DIXDC1: variants seen among roughly 807,000 people sequenced by gnomAD.
The protein encoded by DIXDC1 is dixin.
Under a neutral mutation model 103.1 loss-of-function variants are expected in DIXDC1, and 64 were observed. That is an observed-to-expected ratio of 0.62 (90% CI 0.51 to 0.76). The LOEUF (loss-of-function observed/expected upper bound fraction) is 0.76, where lower values mean the gene tolerates loss of function less well. DIXDC1 is among the 30% of genes least tolerant of loss of function. The pLI is 0.00. For synonymous variants in DIXDC1, 266 were observed against 298.5 expected (o/e 0.89, Z 1.12); for missense variants, 759 against 834.2 (o/e 0.91, Z 1.11).
chr11:112,004,063 T>C (rs1861156359), intron 17 of DIXDC1, among the ~76,000 whole-genome samples: 1 of 147,122 alleles, frequency 6.8e-6, no homozygotes, highest in South Asian at 2.1e-4. Flanking sequence ...TGTATATATA[T>C]GTGTATATAT....
intron 1 of DIXDC1, among the ~76,000 whole-genome samples, chr11:111,964,023 TAA>T (rs1859652070): frequency 6.6e-6 from 1 of 152,234 alleles, no homozygotes; most frequent in Non-Finnish European, 1.5e-5. Flanking sequence ...TGATTTCACT[TAA>T]GTCTCATTTT....
intron 1 of DIXDC1, chr11:111,929,753 T>C (rs1383179682): frequency 3.7e-5 from 40 of 1,093,298 alleles, no homozygotes; most frequent in Non-Finnish European, 5.1e-5. Context: ...ACTCGGTTAG[T>C]TGAGCTTTAA....
At chr11:112,000,708 AG>A (rs144922752) in intron 17 of DIXDC1, among the ~76,000 whole-genome samples, 6 of 151,760 alleles carry the variant, frequency 4.0e-5, no homozygotes, top group African/African-American at 7.3e-5. Flanking sequence ...AAAAAAAAAA[AG>A]GGCCAATAAA....
Position 111,985,386 on chromosome 11 carries a change from A to T in DIXDC1, c.1008+65A>T, listed in dbSNP as rs1860455445. ...GTATTTTACTTGTATTTAGCATTTG[A>T]CACTGCTGTTCATGCCTTCTTGAAA... On this transcript the variant is annotated intron_variant, in intron 8 of 19. Transcript: ENST00000440460. 2.3e-6 allele frequency: 3 copies of T among 1,294,966 alleles called. No individual in the cohort carries two copies. The East Asian group carries it at 7.3e-5, about 31-fold the overall frequency. 80.2% of individuals were successfully genotyped at this position (1,294,966 alleles called of 1,614,324 possible). A position where few individuals can be genotyped will look rare whatever the true frequency, so the allele number is the denominator to read the frequency against.
chr11:112,005,549 T>A (rs1861208545), intron 17 of DIXDC1, among the ~76,000 whole-genome samples: 1 of 151,690 alleles, frequency 6.6e-6, no homozygotes, highest in African/African-American at 2.4e-5. Context: ...ATAAAAAAAA[T>A]TAGCCAGGTG....
At chr11:111,953,537 C>G (rs1182529781) in intron 1 of DIXDC1, among the ~76,000 whole-genome samples, 1 of 152,106 alleles carries the variant, frequency 6.6e-6, no homozygotes, top group African/African-American at 2.4e-5. Flanking sequence ...ACTCAGGAGG[C>G]TGAGGCAGGA....
intron 17 of DIXDC1, among the ~76,000 whole-genome samples, chr11:112,004,278 A>G (rs1451996435): frequency 7.9e-5 from 12 of 152,082 alleles, no homozygotes; most frequent in Non-Finnish European, 2.9e-5. Context: ...TCATGGAGCA[A>G]GGGAGCAGCT....
intron 17 of DIXDC1, among the ~76,000 whole-genome samples, chr11:112,007,238 G>T (rs1861265056): frequency 6.6e-6 from 1 of 152,172 alleles, no homozygotes; most frequent in Non-Finnish European, 1.5e-5. Context: ...GAAATAAAGT[G>T]AGAAGAGAAG....
upstream of DIXDC1, chr11:111,937,129 G>GC (rs1555168207): frequency 2.4e-5 from 17 of 708,180 alleles, 1 homozygote; most frequent in African/African-American, 3.7e-4. Context: ...CTGCGGCCCG[G>GC]GCGGGGGGGG....
rs587608218 is a variant in DIXDC1, at chr11:111,931,105, C to T, written c.57+1195C>T. ...CTGACCTCAAATGATCTACCTGCCT[C>T]GGCCTCCCAAAGTGCTGGGATTACA... On this transcript the variant is annotated intron_variant, in intron 2 of 5. Transcript: ENST00000529225. Among the ~76,000 whole-genome samples the T allele has an allele frequency of 4.6e-5, 7 of 151,972 alleles. No homozygotes were observed. In the East Asian group the frequency reaches 9.7e-4, roughly 21 times the overall value.
chr11:111,937,183 CCCGCCTGG>C, upstream of DIXDC1: 1 of 1,069,820 alleles, frequency 9.3e-7, no homozygotes, highest in Non-Finnish European at 1.1e-6. Flanking sequence ...CCCTCGCCAG[CCCGCCTGG>C]CCGTGCGGCT....
At position 111,977,237 on chromosome 11, in the gene DIXDC1, C is replaced by T; in HGVS notation, c.656+2254C>T. The T allele has an allele frequency of 5.0e-6, 5 of 998,122 alleles. No individual in the cohort carries two copies. Among genetic ancestry groups the T allele is most frequent in the Non-Finnish European group, 4.8e-6 (4 of 839,800 alleles). The allele number at this position is 998,122 out of a possible 1,614,324, so 61.8% of individuals were successfully genotyped here. On this transcript the variant is annotated intron_variant, in intron 5 of 19. Coordinates refer to ENST00000440460, the MANE Select transcript of DIXDC1 (RefSeq NM_001037954.4). This position sits in a 1 kb window ranked among gnomAD's most constrained non-coding sequence, Gnocchi z 6.1. ...GCGGTCGGTTGGCCAGCGGAGCTGG[C>T]TTGGGTCGGAGCCCGGCTGCCTCGC...
intron 17 of DIXDC1, among the ~76,000 whole-genome samples, chr11:112,005,273 A>G (rs1291023418): frequency 6.6e-6 from 1 of 152,222 alleles, no homozygotes; most frequent in Non-Finnish European, 1.5e-5. Flanking sequence ...TTATATTAGT[A>G]TCTGATAAAG....
Position 111,992,467 on chromosome 11 carries a change from A to G in DIXDC1, c.1166A>G (p.Lys389Arg), listed in dbSNP as rs782211504. The change falls in exon 11 of 20, where the codon AAA becomes AGA. Residue 389 changes from lysine to arginine, a missense_variant. Physicochemically the swap from Lys to Arg is conservative, Grantham distance 26. Transcript: ENST00000440460. ...CAGGACACATCTGTTCTTCAGCTCA[A>G]ACAAGAGCTACTGAGGGCAAATATG... ...TQQDTSVLQLKQELLRANMDK... is the reference protein window; with the variant it reads ...TQQDTSVLQLRQELLRANMDK... The G allele has an allele frequency of 1.9e-6, 3 of 1,582,904 alleles. No homozygotes were observed. In the African/African-American group the frequency reaches 4.0e-5, roughly 21 times the overall value.
chr11:112,005,540 TA>T (rs1288632233), intron 17 of DIXDC1, among the ~76,000 whole-genome samples: 1 of 151,472 alleles, frequency 6.6e-6, no homozygotes, highest in South Asian at 2.1e-4. Flanking sequence ...AACAAAAAAA[TA>T]AAAAAAATTA....
At chr11:111,982,950 G>A (rs1327948487) in intron 7 of DIXDC1, among the ~76,000 whole-genome samples, 1 of 152,220 alleles carries the variant, frequency 6.6e-6, no homozygotes, top group Non-Finnish European at 1.5e-5. Context: ...CCTAATACAT[G>A]TGCAAATGGA....
intron 10 of DIXDC1, among the ~76,000 whole-genome samples, chr11:111,990,927 G>A (rs372581738): frequency 8.6e-5 from 13 of 151,934 alleles, no homozygotes; most frequent in African/African-American, 3.1e-4. Flanking sequence ...GGCTGGTCTC[G>A]AACTCCTGAC....
intron 17 of DIXDC1, among the ~76,000 whole-genome samples, chr11:111,997,314 A>G (rs1300261897): frequency 6.6e-6 from 1 of 152,262 alleles, no homozygotes; most frequent in African/African-American, 2.4e-5. Flanking sequence ...GAGGTTATCT[A>G]TGCTGGGAAT....
intron 16 of DIXDC1, among the ~76,000 whole-genome samples, chr11:111,995,852 C>A (rs1555175347): frequency 6.6e-6 from 1 of 152,134 alleles, no homozygotes; most frequent in East Asian, 1.9e-4. Flanking sequence ...TCCCACCTAC[C>A]CCTGATTGAG....
Sources: gnomAD v4.1 joint callset for allele counts (sites outside exome capture counted in the v4.1 genomes callset) on GRCh38, gnomAD v4.1.1 for gene constraint, Gnocchi (gnomAD v3.1) non-coding constraint, MANE v1.5 for transcripts, NCBI Gene and HGNC (gene_info 2026-07-23, HGNC 2026-07-21) for gene names.